NLRP2: variants seen among roughly 807,000 people sequenced by gnomAD.
The protein encoded by NLRP2 is NLR family pyrin domain containing 2.
A neutral mutation model predicts 97.2 loss-of-function variants in NLRP2; 107 were observed. The observed-to-expected ratio is 1.10, with a 90% CI of 0.94 to 1.29. The LOEUF (loss-of-function observed/expected upper bound fraction) is 1.29, where lower values mean the gene tolerates loss of function less well. NLRP2 is among the 50% of genes most tolerant of loss of function. NLRP2 has a pLI of 0.00. For missense variants in NLRP2, 1,495 were observed against 1,330.3 expected (o/e 1.12, Z -1.93); for synonymous variants, 663 against 551.5 (o/e 1.20, Z -2.83).
At chr19:54,978,981 T>G (rs1245273065) in intron 4 of NLRP2, among the ~76,000 whole-genome samples, 1 of 151,798 alleles carries the variant, frequency 6.6e-6, no homozygotes, top group Non-Finnish European at 1.5e-5. Flanking sequence ...TGTGATAGGT[T>G]TTTTCTGTTT....
At chr19:54,983,760 A>G in intron 6 of NLRP2, 32 bp downstream of exon 6, 1 of 1,602,730 alleles carries the variant, frequency 6.2e-7, no homozygotes, top group Non-Finnish European at 8.5e-7. Flanking sequence ...CAGTCGTTCC[A>G]TCTTTAGCCT....
At chr19:54,977,883 A>G (rs192205507) in intron 4 of NLRP2, 60 bp downstream of exon 4, 9 of 1,460,298 alleles carry the variant, frequency 6.2e-6, no homozygotes, top group East Asian at 2.3e-5. Context: ...TCTTGCTGCT[A>G]TCTCCTGTTC....
intron 8 of NLRP2, among the ~76,000 whole-genome samples, chr19:54,989,064 T>A (rs1433661217): frequency 6.6e-6 from 1 of 151,930 alleles, no homozygotes; most frequent in Non-Finnish European, 1.5e-5. Context: ...TTCAAGTGAT[T>A]CTCTTGCCTC....
chr19:54,975,106 G>GTTTTTGTTTTTTTTTTTTTT (rs2071121382), intron 3 of NLRP2, among the ~76,000 whole-genome samples: 1 of 58,674 alleles, frequency 1.7e-5, no homozygotes, highest in Admixed American at 2.5e-4. Context: ...ACCCGGTTTT[G>GTTTTTGTTTTTTTTTTTTTT]TTTTTTTTTT....
At chr19:54,985,677 C>CAAAAAAAA (rs113852885) in intron 7 of NLRP2, among the ~76,000 whole-genome samples, 13 of 67,882 alleles carry the variant, frequency 1.9e-4, no homozygotes, top group South Asian at 5.5e-4. Context: ...GACTGCGTCT[C>CAAAAAAAA]AAAAAAAAAA....
intron 11 of NLRP2, among the ~76,000 whole-genome samples, chr19:54,997,047 A>G (rs2072866826): frequency 6.6e-6 from 1 of 152,134 alleles, no homozygotes. Context: ...AGCTGGGATT[A>G]CAGGTGCCTG....
intron 10 of NLRP2, chr19:54,991,579 T>C (rs1460061116): frequency 6.6e-6 from 1 of 150,728 alleles, no homozygotes; most frequent in South Asian, 2.1e-4. Context: ...GACAAATCTT[T>C]AGAAAGGAAT....
In NLRP2 at chr19:55,001,099, C is replaced by T. The variant is rs370055152; in HGVS notation, c.*201C>T. 3.6e-6 allele frequency: 2 copies of T among 558,630 alleles called. No homozygotes were observed. Among genetic ancestry groups the T allele is most frequent in the Admixed American group, 3.1e-5 (1 of 32,512 alleles). 34.6% of individuals were successfully genotyped at this position (558,630 alleles called of 1,614,324 possible). A position where few individuals can be genotyped will look rare whatever the true frequency, so the allele number is the denominator to read the frequency against. ...TGTTACATATGAAATATCTGTATCA[C>T]GGGTATATTGAGAGAAATAAAGGTG... On this transcript the variant is annotated 3_prime_UTR_variant, in exon 13 of 13. Coordinates refer to ENST00000448584, the MANE Select transcript of NLRP2 (RefSeq NM_017852.5).
intron 10 of NLRP2, chr19:54,991,280 T>C (rs2072459640): frequency 6.3e-6 from 1 of 158,638 alleles, no homozygotes; most frequent in South Asian, 1.8e-4. Flanking sequence ...CCTGGCATAG[T>C]GGCTCACGCC....
chr19:54,990,858 G>A (rs186774864), intron 10 of NLRP2, 186 bp downstream of exon 10: 3 of 654,252 alleles, frequency 4.6e-6, no homozygotes, highest in African/African-American at 3.6e-5. Context: ...TAGAGTAGTA[G>A]TAATATTCTA....
intron 8 of NLRP2, among the ~76,000 whole-genome samples, chr19:54,987,158 G>A (rs531060536): frequency 4.2e-5 from 4 of 95,464 alleles, no homozygotes; most frequent in Non-Finnish European, 8.6e-5. Flanking sequence ...CCCCGCCGTC[G>A]GCCTCCCAAA....
In NLRP2 at chr19:54,982,247, G is replaced by A. The variant is rs139692468; in HGVS notation, c.549G>A (p.Gln183=). ...GGCCTGGAGATAGCAAAGAGGTCCA[G>A]GTTATGGCTGAGAGATACAAGATGC... is the stretch of plus-strand genomic sequence containing the variant. ...KSWPGDSKEV[Q]VMAERYKMLI... is the part of the protein sequence containing the mutation. Residue 183 remains glutamine, a synonymous_variant, in exon 6 of 13, where the codon CAG becomes CAA. Transcript: ENST00000448584. 9.7e-5 allele frequency: 156 copies of A among 1,614,136 alleles called. 1 individual carries two copies. In the African/African-American group the frequency reaches 1.8e-3, roughly 19 times the overall value.
chr19:54,990,170 A>G lies in NLRP2; in HGVS notation c.2515A>G (p.Lys839Glu). The change falls in exon 9 of 13, where the codon AAG becomes GAG. Residue 839 changes from lysine (K) to glutamate (E), a missense_variant. Coordinates refer to ENST00000448584, the MANE Select transcript of NLRP2 (RefSeq NM_017852.5). ...GCTGTACACAACTTTGAGACACCCC[A>G]AGTGCTTTCTGCAGAGGTTGTCGTA... Reference protein sequence around the residue: ...KLLYTTLRHPKCFLQRLSLEN... With the variant: ...KLLYTTLRHPECFLQRLSLEN... 6.2e-7 allele frequency: 1 copy of G among 1,614,090 alleles called. No homozygotes were observed. The highest frequency in any genetic ancestry group is 1.1e-5 in the South Asian group (1 of 91,080).
chr19:54,978,015 A>ATT (rs1290885001), intron 4 of NLRP2, among the ~76,000 whole-genome samples, 192 bp downstream of exon 4: 3 of 152,142 alleles, frequency 2.0e-5, no homozygotes, highest in African/African-American at 7.2e-5. Flanking sequence ...GTTGCAGAGA[A>ATT]TTAGAACTCA....
At position 54,982,941 on chromosome 19, in the gene NLRP2, G is replaced by C. The variant is rs532812211; in HGVS notation, c.1243G>C (p.Gly415Arg). ...CTTLKLQMEK[G>R]EDPVPTCLTR... Reference sequence around the variant, plus strand: ...GACTCTGAAGCTGCAGATGGAGAAGGGGGAGGACCCGGTCCCCACCTGCCT... The same window carrying C: ...GACTCTGAAGCTGCAGATGGAGAAGCGGGAGGACCCGGTCCCCACCTGCCT... The change falls in exon 6 of 13, where the codon GGG (glycine) becomes CGG (arginine). Residue 415 changes from glycine to arginine, a missense_variant. Physicochemically the swap from Gly to Arg is moderately radical, Grantham distance 125. Coordinates refer to ENST00000448584, the MANE Select transcript of NLRP2 (RefSeq NM_017852.5). 11 of 1,612,798 alleles carry C rather than the reference G, an allele frequency of 6.8e-6. No homozygotes were observed. In the South Asian group the frequency reaches 9.9e-5, roughly 14 times the overall value.
rs535893615 is a variant in NLRP2, at chr19:55,000,903, C to T, written c.*5C>T. 5.0e-6 allele frequency: 8 copies of T among 1,613,418 alleles called. No homozygotes were observed. The highest frequency in any genetic ancestry group is 1.3e-5 in the African/African-American group (1 of 74,886). On this transcript the variant is annotated 3_prime_UTR_variant, in exon 13 of 13. Transcript: ENST00000448584. ...TCTCATGACTTCATGATCTGAATCC[C>T]CCCGAGTCATTCATTCTCCATGAAG...
At position 54,990,547 on chromosome 19, in the gene NLRP2, T is replaced by C. The variant is rs1454534285; in HGVS notation, c.2583T>C (p.Ala861=). The C allele has an allele frequency of 2.5e-6, 4 of 1,614,214 alleles. No individual in the cohort carries two copies. The highest frequency in any genetic ancestry group is 4.5e-5 in the East Asian group (2 of 44,886). The change falls in exon 10 of 13, where the codon GCT becomes GCC. Residue 861 remains alanine, a synonymous_variant. Transcript: ENST00000448584. ...HLTEANCKDL[A]AVLVVSRELT... is the part of the protein sequence containing the mutation. ...CAGAAGCCAATTGCAAGGACCTTGCTGCTGTGTTGGTTGTCAGCCGGGAGC... is the reference window on the plus strand; with the variant it reads ...CAGAAGCCAATTGCAAGGACCTTGCCGCTGTGTTGGTTGTCAGCCGGGAGC...
rs751539500 is a variant in NLRP2 at position 54,984,317 on chromosome 19, G to T, written c.2030+589G>T. 5.3e-4 allele frequency among the ~76,000 whole-genome samples: 42 copies of T among 78,770 alleles called. 1 individual carries two copies. Among genetic ancestry groups the T allele is most frequent in the Non-Finnish European group, 7.1e-4 (27 of 38,040 alleles). The allele number at this position is 78,770 out of a possible 152,430, so 51.7% of individuals were successfully genotyped here. On this transcript the variant is annotated intron_variant, in intron 6 of 12. Transcript: ENST00000448584. ...TCATGTCCAGCTAACTTAAGTGGGG[G>T]TTTTTTTTTGTGTTTTTTTTTTTTT...
chr19:54,996,539 T>C (rs1158733398), intron 11 of NLRP2, among the ~76,000 whole-genome samples: 5 of 152,146 alleles, frequency 3.3e-5, no homozygotes, highest in Non-Finnish European at 7.4e-5. Context: ...TTAACCTCTC[T>C]GCTCAAAAGC....
Sources: allele counts gnomAD v4.1 joint callset (sites outside exome capture counted in the v4.1 genomes callset), GRCh38; gene constraint gnomAD v4.1.1; transcripts MANE v1.5; gene names NCBI Gene and HGNC (gene_info 2026-07-23, HGNC 2026-07-21).